PNPT1: variants seen among roughly 807,000 people sequenced by gnomAD.
The protein encoded by PNPT1 is polyribonucleotide nucleotidyltransferase 1, also known as polyribonucleotide nucleotidyltransferase 1, mitochondrial.
A neutral mutation model predicts 119.5 loss-of-function variants in PNPT1; 53 were observed. The ratio of observed to expected loss-of-function variants is 0.44; its 90% CI spans 0.36 to 0.56. The LOEUF is 0.56. PNPT1 is among the 20% of genes least tolerant of loss of function. The pLI is 0.00. For synonymous variants in PNPT1, 357 were observed against 322.1 expected (o/e 1.11, Z -1.16); for missense variants, 948 against 938.5 (o/e 1.01, Z -0.13).
rs548189194 is a variant in PNPT1, at chr2:55,661,795, C to G, written c.1247+161G>C. On this transcript the variant is annotated intron_variant, in intron 14 of 27. Transcript: ENST00000447944. ...CAGTGATTTAGAAGACAATCTAGCA[C>G]ACACACAAAATCCTTTGAAATCATG... Among the ~76,000 whole-genome samples, 4 of 152,190 alleles carry G rather than the reference C, an allele frequency of 2.6e-5. No homozygotes were observed. In the East Asian group the frequency reaches 7.7e-4, roughly 29 times the overall value.
At chr2:55,659,834 G>A (rs527448966) in intron 15 of PNPT1, among the ~76,000 whole-genome samples, 2 of 152,220 alleles carry the variant, frequency 1.3e-5, no homozygotes, top group East Asian at 3.9e-4. Context: ...CCAGGTAGTG[G>A]ATATATGGAT....
chr2:55,638,848 C>A (rs897914131), intron 26 of PNPT1, among the ~76,000 whole-genome samples: 2 of 151,628 alleles, frequency 1.3e-5, no homozygotes, highest in East Asian at 3.9e-4. Context: ...GATATCCGCT[C>A]ACTGCAACCT....
At chr2:55,678,325 T>A (rs1697148366) in intron 8 of PNPT1, among the ~76,000 whole-genome samples, 1 of 152,218 alleles carries the variant, frequency 6.6e-6, no homozygotes, top group Non-Finnish European at 1.5e-5. Context: ...CTCTACATTT[T>A]GATAGTTACT....
chr2:55,686,764 T>C (rs1697417302), intron 2 of PNPT1, among the ~76,000 whole-genome samples: 1 of 152,322 alleles, frequency 6.6e-6, no homozygotes, highest in East Asian at 1.9e-4. Flanking sequence ...CCAAAATCAC[T>C]TTCTCTAGAA....
At position 55,663,882 on chromosome 2, in the gene PNPT1, C is replaced by G. The variant is rs956536323; in HGVS notation, c.1177-1856G>C. Among the ~76,000 whole-genome samples, 42 of 152,066 alleles carry G rather than the reference C, an allele frequency of 2.8e-4. 2 individuals carry two copies. The highest frequency in any genetic ancestry group is 5.9e-5 in the Non-Finnish European group (4 of 68,014). ...CCTATAGTCCCAGCTACTTGGGAGG[C>G]TGAGGCAGGAGAATGGCAGGGGCAT... On this transcript the variant is annotated intron_variant, in intron 13 of 27. Transcript: ENST00000447944.
chr2:55,675,754 G>A (rs1572826625), intron 8 of PNPT1, among the ~76,000 whole-genome samples: 2 of 152,254 alleles, frequency 1.3e-5, no homozygotes, highest in East Asian at 3.9e-4. Context: ...GAGCTGTGCT[G>A]TCCAATATGG....
In PNPT1 at chr2:55,646,245, G is replaced by A; in HGVS notation, c.1738+14C>T. On this transcript the variant is annotated intron_variant, in intron 21 of 27. Transcript: ENST00000447944. Reference sequence around the variant, plus strand: ...TGGAAAAGAATGAAGGGAGAATCAAGCACACTAGCTCACCTGAAGCTTGTT... The same window carrying A: ...TGGAAAAGAATGAAGGGAGAATCAAACACACTAGCTCACCTGAAGCTTGTT... 3 of 1,603,404 alleles carry A rather than the reference G, an allele frequency of 1.9e-6. No individual in the cohort carries two copies. The highest frequency in any genetic ancestry group is 2.6e-6 in the Non-Finnish European group (3 of 1,172,176).
chr2:55,683,928 T>C, intron 4 of PNPT1, 94 bp from the exon 5 acceptor site: 1 of 1,252,258 alleles, frequency 8.0e-7, no homozygotes, highest in Admixed American at 2.0e-5. Flanking sequence ...ATTCAATATG[T>C]TTTCAAGAAA....
At chr2:55,638,505 C>T (rs902103026) in intron 26 of PNPT1, among the ~76,000 whole-genome samples, 1 of 151,738 alleles carries the variant, frequency 6.6e-6, no homozygotes, top group African/African-American at 2.4e-5. Context: ...AAAAATTAGC[C>T]GGGTGTAGCG....
intron 1 of PNPT1, among the ~76,000 whole-genome samples, chr2:55,688,418 T>A (rs1175920610): frequency 6.6e-6 from 1 of 152,102 alleles, no homozygotes; most frequent in Middle Eastern, 3.2e-3. Flanking sequence ...CAAACAGGAT[T>A]GTTTCCCTAC....
chr2:55,648,126 T>C (rs567529820), intron 18 of PNPT1, among the ~76,000 whole-genome samples: 3 of 152,354 alleles, frequency 2.0e-5, no homozygotes, highest in Non-Finnish European at 4.4e-5. Context: ...TACCTCCCCA[T>C]GGCAGCTAAC....
chr2:55,684,875 G>C, intron 4 of PNPT1, 68 bp downstream of exon 4: 1 of 1,386,916 alleles, frequency 7.2e-7, no homozygotes, highest in East Asian at 2.5e-5. Context: ...GTAGAACACA[G>C]ATGCAAGAGA....
rs1434998082 is a variant in PNPT1 at position 55,635,686 on chromosome 2, A to G, written c.*551T>C. ...GTTTATGATTTGGTAACTAATTTGAAAGGCATTATATTATCAAAAGTGTAT... is the reference window on the plus strand; with the variant it reads ...GTTTATGATTTGGTAACTAATTTGAGAGGCATTATATTATCAAAAGTGTAT... On this transcript the variant is annotated 3_prime_UTR_variant, in exon 28 of 28. Coordinates refer to ENST00000447944, the MANE Select transcript of PNPT1 (RefSeq NM_033109.5). 6.6e-6 allele frequency: 1 copy of G among 152,226 alleles called. No individual in the cohort carries two copies. The highest frequency in any genetic ancestry group is 6.5e-5 in the Admixed American group (1 of 15,284). The allele number at this position is 152,226 out of a possible 1,614,324, so 9.4% of individuals were successfully genotyped here.
chr2:55,680,344 T>C (rs1198356340), intron 7 of PNPT1, among the ~76,000 whole-genome samples: 1 of 151,796 alleles, frequency 6.6e-6, no homozygotes, highest in Admixed American at 6.6e-5. Flanking sequence ...CATTTTTATA[T>C]TGCATGATTA....
chr2:55,640,782 C>A, intron 25 of PNPT1, 77 bp from the exon 26 acceptor site: 2 of 1,008,426 alleles, frequency 2.0e-6, no homozygotes, highest in Non-Finnish European at 2.9e-6. Context: ...ACATTGTTTT[C>A]ATATGAGGAA....
chr2:55,679,752 G>T lies in PNPT1; in HGVS notation c.609C>A (p.Asn203Lys). 1 of 1,611,042 alleles carries T rather than the reference G, an allele frequency of 6.2e-7. No individual in the cohort carries two copies. Among genetic ancestry groups the T allele is most frequent in the Non-Finnish European group, 8.5e-7 (1 of 1,178,422 alleles). Residue 203 changes from asparagine to lysine, a missense_variant, in exon 8 of 28, where the codon AAC becomes AAA. By Grantham distance (94) the Asn-to-Lys change is moderately conservative (BLOSUM62 0). Transcript: ENST00000447944. ...TAGAAGACATTTCTTTTCTTGTTGG[G>T]TTAACAACATATTCTCCATCAATTA... ...IGIIDGEYVV[N>K]PTRKEMSSST...
chr2:55,663,622 A>C (rs1308152425), intron 13 of PNPT1, among the ~76,000 whole-genome samples: 1 of 152,186 alleles, frequency 6.6e-6, no homozygotes, highest in Non-Finnish European at 1.5e-5. Flanking sequence ...ACATGAAAAA[A>C]ATAATAGATA....
intron 14 of PNPT1, among the ~76,000 whole-genome samples, chr2:55,661,086 AGATTCTT>A: frequency 7.1e-6 from 1 of 139,954 alleles, no homozygotes; most frequent in Admixed American, 7.5e-5. Flanking sequence ...ACTGCAATAG[AGATTCTT>A]TTTTTTTTTT....
intron 1 of PNPT1, among the ~76,000 whole-genome samples, chr2:55,692,178 C>T (rs1356096729): frequency 6.6e-6 from 1 of 151,952 alleles, no homozygotes; most frequent in Non-Finnish European, 1.5e-5. Context: ...AGCCACTGTG[C>T]TCGGCCGTTT....
Sources: allele counts gnomAD v4.1 joint callset (sites outside exome capture counted in the v4.1 genomes callset), GRCh38; gene constraint gnomAD v4.1.1; transcripts MANE v1.5; gene names NCBI Gene and HGNC (gene_info 2026-07-23, HGNC 2026-07-21).